Variants in ZSWIM6 observed in about 807,000 individuals in gnomAD.
ZSWIM6 encodes zinc finger SWIM domain-containing protein 6.
In ZSWIM6, 9 loss-of-function variants were observed where a neutral mutation model predicts 113.2. The observed-to-expected ratio is 0.08, with a 90% CI of 0.05 to 0.14. The LOEUF (loss-of-function observed/expected upper bound fraction) is 0.14, where lower values mean the gene tolerates loss of function less well. ZSWIM6 is among the 10% of genes least tolerant of loss of function. ZSWIM6 has a pLI of 1.00. For missense variants in ZSWIM6, 1,162 were observed against 1,552.2 expected (o/e 0.75, Z 4.22); for synonymous variants, 611 against 606.5 (o/e 1.01, Z -0.11).
Position 61,519,610 on chromosome 5 carries a change from T to G in ZSWIM6, c.1334-1653T>G, listed in dbSNP as rs553894474. ...GGGACGGGTGTGGACTTACTCCATC[T>G]TCACTAGCCATGTTGTGTTTTTAAT... is the stretch of plus-strand genomic sequence containing the variant. On this transcript the variant is annotated intron_variant, in intron 4 of 13. Coordinates refer to ENST00000252744, the MANE Select transcript of ZSWIM6 (RefSeq NM_020928.2). Among the ~76,000 whole-genome samples, 6 of 152,314 alleles carry G rather than the reference T, an allele frequency of 3.9e-5. No individual in the cohort carries two copies. The South Asian group carries it at 1.0e-3, about 26-fold the overall frequency.
At chr5:61,376,419 A>G (rs1745374830) in intron 1 of ZSWIM6, among the ~76,000 whole-genome samples, 1 of 151,900 alleles carries the variant, frequency 6.6e-6, no homozygotes, top group Admixed American at 6.6e-5. Flanking sequence ...TATTATGGAC[A>G]CAGTAGCCAT....
intron 1 of ZSWIM6, among the ~76,000 whole-genome samples, chr5:61,343,284 T>G (rs977679263): frequency 1.3e-5 from 2 of 152,194 alleles, no homozygotes; most frequent in African/African-American, 4.8e-5. Context: ...TTGAGTGAAT[T>G]AATGTGCTTA....
intron 1 of ZSWIM6, among the ~76,000 whole-genome samples, chr5:61,435,767 GT>G (rs1470152325): frequency 6.6e-6 from 1 of 152,086 alleles, no homozygotes; most frequent in African/African-American, 2.4e-5. Flanking sequence ...TTTGGTGGTA[GT>G]TTTAGATGAC....
intron 5 of ZSWIM6, among the ~76,000 whole-genome samples, chr5:61,525,389 T>A (rs1157624300): frequency 6.6e-6 from 1 of 152,214 alleles, no homozygotes; most frequent in East Asian, 1.9e-4. Context: ...GTGTCGCATC[T>A]CTTGCATAGT....
intron 4 of ZSWIM6, among the ~76,000 whole-genome samples, chr5:61,506,684 G>A (rs1022261287): frequency 1.3e-5 from 2 of 152,054 alleles, no homozygotes; most frequent in Non-Finnish European, 2.9e-5. Flanking sequence ...AGTGTGATTT[G>A]ACCCAAGAAA....
chr5:61,337,954 G>A (rs908683918), intron 1 of ZSWIM6, among the ~76,000 whole-genome samples: 1 of 151,892 alleles, frequency 6.6e-6, no homozygotes, highest in Admixed American at 6.6e-5. Flanking sequence ...TATTGTTTTG[G>A]TGTGTTCGCA....
chr5:61,431,140 G>A (rs960375131), intron 1 of ZSWIM6, among the ~76,000 whole-genome samples: 4 of 151,978 alleles, frequency 2.6e-5, no homozygotes, highest in Admixed American at 1.3e-4. Context: ...GGGAGGCCGA[G>A]GTGGGTGGAT....
chr5:61,528,822 G>A lies in ZSWIM6; in HGVS notation c.1838-1230G>A, dbSNP rs189657283. Among the ~76,000 whole-genome samples, 722 of 152,100 alleles carry A rather than the reference G, an allele frequency of 4.7e-3. 2 individuals carry two copies. The highest frequency in any genetic ancestry group is 7.3e-3 in the Non-Finnish European group (493 of 67,966). The stretch of plus-strand genomic sequence containing the variant: ...AGGCTGGTCTCGAACTCCTGACCTC[G>A]GGTGATCCACCCGCTTCAGCATCCC... On this transcript the variant is annotated intron_variant, in intron 7 of 13. Transcript: ENST00000252744.
At chr5:61,519,001 A>G (rs1749038273) in intron 4 of ZSWIM6, among the ~76,000 whole-genome samples, 3 of 152,010 alleles carry the variant, frequency 2.0e-5, no homozygotes, top group Admixed American at 6.6e-5. Flanking sequence ...TCAGCTTTCT[A>G]CATATGGCTA....
At chr5:61,508,936 C>T (rs1390494157) in intron 4 of ZSWIM6, among the ~76,000 whole-genome samples, 11 of 152,226 alleles carry the variant, frequency 7.2e-5, no homozygotes, top group African/African-American at 1.7e-4. Context: ...TGAGATACAA[C>T]GGTGTATTGT....
At chr5:61,521,239 T>G (rs963862112) in intron 4 of ZSWIM6, 24 bp from the exon 5 acceptor site, 1 of 1,273,670 alleles carries the variant, frequency 7.9e-7, no homozygotes, top group Non-Finnish European at 1.0e-6. Flanking sequence ...TGAACATTTA[T>G]TTTCCTTTCC....
chr5:61,353,634 T>C (rs773366031), intron 1 of ZSWIM6, among the ~76,000 whole-genome samples: 55 of 152,316 alleles, frequency 3.6e-4, no homozygotes, highest in Admixed American at 1.4e-3. Flanking sequence ...TAAGTAGTAA[T>C]GGATGTGTAA....
At chr5:61,482,073 T>C (rs1396365997) in intron 2 of ZSWIM6, among the ~76,000 whole-genome samples, 1 of 152,206 alleles carries the variant, frequency 6.6e-6, no homozygotes, top group Admixed American at 6.5e-5. Flanking sequence ...TGAGTTATGT[T>C]TCTTTTTGCA....
intron 1 of ZSWIM6, among the ~76,000 whole-genome samples, chr5:61,443,731 A>G (rs1445700102): frequency 6.6e-6 from 1 of 152,172 alleles, no homozygotes; most frequent in Non-Finnish European, 1.5e-5. Flanking sequence ...TGAAGACAGC[A>G]TGAGGCCAAC....
intron 9 of ZSWIM6, among the ~76,000 whole-genome samples, chr5:61,532,775 T>A (rs16892286): frequency 0.026 from 3,893 of 152,296 alleles, 171 homozygotes; most frequent in South Asian, 0.19. Flanking sequence ...CTCCTGAACC[T>A]GTTTTTTTCC....
At chr5:61,480,237 A>G (rs776273414) in intron 2 of ZSWIM6, among the ~76,000 whole-genome samples, 2 of 152,226 alleles carry the variant, frequency 1.3e-5, no homozygotes, top group Non-Finnish European at 2.9e-5. Context: ...TACGTATACT[A>G]TTGAACTGCT....
chr5:61,538,475 G>T (rs1749640845), intron 10 of ZSWIM6, among the ~76,000 whole-genome samples: 1 of 152,062 alleles, frequency 6.6e-6, no homozygotes, highest in Non-Finnish European at 1.5e-5. Flanking sequence ...TAAACATCAA[G>T]ACCTGTGTTT....
intron 1 of ZSWIM6, among the ~76,000 whole-genome samples, chr5:61,413,646 A>G (rs1028381551): frequency 6.6e-6 from 1 of 152,146 alleles, no homozygotes; most frequent in African/African-American, 2.4e-5. Context: ...CCAACAGTGT[A>G]AAAATGTTCC....
intron 1 of ZSWIM6, among the ~76,000 whole-genome samples, chr5:61,342,580 C>T (rs1029469471): frequency 6.6e-6 from 1 of 152,190 alleles, no homozygotes; most frequent in Non-Finnish European, 1.5e-5. Flanking sequence ...TCATCATTAC[C>T]TATTCCAGAA....
Sources: gnomAD v4.1 joint callset for allele counts (sites outside exome capture counted in the v4.1 genomes callset) on GRCh38, gnomAD v4.1.1 for gene constraint, MANE v1.5 for transcripts, NCBI Gene and HGNC (gene_info 2026-07-23, HGNC 2026-07-21) for gene names.